Variants in PLEKHG4 observed in about 807,000 individuals in gnomAD.
PLEKHG4 encodes puratrophin-1.
A neutral mutation model predicts 136.9 loss-of-function variants in PLEKHG4; 85 were observed. The ratio of observed to expected loss-of-function variants is 0.62; its 90% confidence interval spans 0.52 to 0.74. The LOEUF is 0.74. Among genes scored for constraint, PLEKHG4 ranks in the 30% least tolerant of loss-of-function variants. PLEKHG4 has a pLI of 0.00. For synonymous variants in PLEKHG4, 577 were observed against 646.9 expected (o/e 0.89, Z 1.64); for missense variants, 1,317 against 1,527.8 (o/e 0.86, Z 2.30).
At chr16:67,287,643 T>C in intron 18 of PLEKHG4, 1 of 560,768 alleles carries the variant, frequency 1.8e-6, no homozygotes. Flanking sequence ...TCCTCCTACC[T>C]CGGCCTCCCA....
rs757886692 is a variant in PLEKHG4 at position 67,287,097 on chromosome 16, A to G, written c.3023A>G (p.Gln1008Arg). The G allele has an allele frequency of 1.2e-6, 2 of 1,612,914 alleles. No homozygotes were observed. Among genetic ancestry groups the G allele is most frequent in the African/African-American group, 2.7e-5 (2 of 74,950 alleles). ...RRKARDTFVLQASSLAIKQAW... is the reference protein window; with the variant it reads ...RRKARDTFVLRASSLAIKQAW... ...AAGGCCAGGGACACCTTTGTGCTGC[A>G]GGCCTCCAGCCTGGCTATCAAGCAG... Residue 1008 changes from glutamine to arginine, a missense_variant, in exon 18 of 22, where the codon CAG becomes CGG. Gln to Arg is a conservative substitution (Grantham distance 43, BLOSUM62 1). Transcript: ENST00000379344.
At chr16:67,277,701 C>T (rs2036048976), upstream of PLEKHG4, 1 of 152,418 alleles carries the variant, frequency 6.6e-6, no homozygotes, top group South Asian at 2.1e-4. Context: ...CCATGGGATA[C>T]ATAGATGTGG....
At chr16:67,278,483 A>C (rs1190313898), upstream of PLEKHG4, 2 of 152,222 alleles carry the variant, frequency 1.3e-5, no homozygotes, top group African/African-American at 4.8e-5. Context: ...TCCTGGTCGC[A>C]GAGCTGACCT....
rs374850039 is a variant in PLEKHG4 at position 67,286,325 on chromosome 16, G to A, written c.2494G>A (p.Asp832Asn). The A allele has an allele frequency of 1.3e-4, 207 of 1,613,784 alleles. No individual in the cohort carries two copies. The highest frequency in any genetic ancestry group is 1.6e-4 in the Non-Finnish European group (194 of 1,179,834). Reference protein sequence around the residue: ...ALYSKNKPRSDALMSSYGHTF... With the variant: ...ALYSKNKPRSNALMSSYGHTF... ...CTACAGCAAGAATAAGCCTCGCTCC[G>A]ATGCCCTGATGTCAAGCTATGGGCA... Residue 832 changes from aspartate to asparagine, a missense_variant, in exon 15 of 22, where the codon GAT becomes AAT. Coordinates refer to ENST00000379344, the MANE Select transcript of PLEKHG4 (RefSeq NM_001129729.3).
At chr16:67,287,859 T>C (rs2036548060) in intron 18 of PLEKHG4, 39 bp from the exon 19 acceptor site, 1 of 1,347,258 alleles carries the variant, frequency 7.4e-7, no homozygotes, top group African/African-American at 1.4e-5. Context: ...GACAGGCTTA[T>C]GTCCAGAAGC....
Position 67,285,347 on chromosome 16 carries a change from A to C in PLEKHG4, c.2253A>C (p.Leu751=). The change falls in exon 14 of 22, where the codon CTA becomes CTC. Residue 751 remains leucine (L), a synonymous_variant. Coordinates refer to ENST00000379344, the MANE Select transcript of PLEKHG4 (RefSeq NM_001129729.3). ...CGGAGCGGGAGTATGTCCGGGCTCT[A>C]GAGTACACTATGGAGAACTATTTCC... is the stretch of plus-strand genomic sequence containing the variant. The part of the protein sequence containing the change: ...VATEREYVRA[L]EYTMENYFPE... The C allele has an allele frequency of 6.2e-7, 1 of 1,614,200 alleles. No homozygotes were observed. The highest frequency in any genetic ancestry group is 1.6e-4 in the Middle Eastern group (1 of 6,062).
chr16:67,281,768 G>A lies in PLEKHG4; in HGVS notation c.936G>A (p.Thr312=), dbSNP rs771938890. ...AGAGCCTGCTGACCCACATCCCAAC[G>A]GCGGGGCTGCCCACTTCGCTAGGAG... ...PSQSLLTHIP[T]AGLPTSLGGG... is the part of the protein sequence containing the mutation. Residue 312 remains threonine (T), a synonymous_variant, in exon 7 of 22, where the codon ACG becomes ACA. Transcript: ENST00000379344. 7 of 1,613,892 alleles carry A rather than the reference G, an allele frequency of 4.3e-6. No individual in the cohort carries two copies. The highest frequency in any genetic ancestry group is 2.2e-5 in the East Asian group (1 of 44,908).
Position 67,287,983 on chromosome 16 carries a change from C to T in PLEKHG4, c.3189C>T (p.Asp1063=). The T allele has an allele frequency of 6.2e-7, 1 of 1,613,696 alleles. No homozygotes were observed. Among genetic ancestry groups the T allele is most frequent in the Non-Finnish European group, 8.5e-7 (1 of 1,179,596 alleles). ...DIAPSEEAIN[D]RTVNYVLKCR... is the part of the protein sequence containing the mutation. ...CTCCCAGCGAGGAAGCCATCAACGACCGCACCGTCAACTATGTCCTGAAGT... is the reference window on the plus strand; with the variant it reads ...CTCCCAGCGAGGAAGCCATCAACGATCGCACCGTCAACTATGTCCTGAAGT... Residue 1063 remains aspartate (D), a synonymous_variant, in exon 19 of 22, where the codon GAC becomes GAT. Transcript: ENST00000379344.
upstream of PLEKHG4, chr16:67,278,191 A>C (rs1391704317): frequency 6.6e-6 from 1 of 152,184 alleles, no homozygotes; most frequent in African/African-American, 2.4e-5. Context: ...GTGGGAAGAG[A>C]GGTCTGGCTG....
At position 67,288,571 on chromosome 16, in the gene PLEKHG4, GGCCCTGGGTA is replaced by G; in HGVS notation, c.3539_3548del (p.Ala1180GlyfsTer57). Reference sequence around the variant, plus strand: ...CTGACAGCAGCTGTGTGTCAGGGCAGGCCCTGGGTAGGGGCCTGGAGGACTTACCCTGTGT... The same window carrying G: ...CTGACAGCAGCTGTGTGTCAGGGCAGGGGGCCTGGAGGACTTACCCTGTGT... On this transcript the variant is annotated frameshift_variant, in exon 21 of 22. Coordinates refer to ENST00000379344, the MANE Select transcript of PLEKHG4 (RefSeq NM_001129729.3). LOFTEE classifies it high-confidence loss of function. 1.2e-6 allele frequency: 2 copies of G among 1,614,114 alleles called. No individual in the cohort carries two copies. The highest frequency in any genetic ancestry group is 1.7e-6 in the Non-Finnish European group (2 of 1,179,912).
chr16:67,282,036 C>T lies in PLEKHG4; in HGVS notation c.1033C>T (p.Gln345Ter). ...GCTGGAAGCTCTACTACAGAACTGC[C>T]AGGCAGCTTGTGCCCTGCTCCAGGG... ...RRLEALLQNC[Q>*]AACALLQGAI... Residue 345 changes from glutamine (Q) to a stop codon, truncating the protein, a stop_gained, in exon 8 of 22, where the codon CAG (glutamine) becomes TAG (stop). Transcript: ENST00000379344. LOFTEE classifies it high-confidence loss of function. 6.2e-7 allele frequency: 1 copy of T among 1,613,448 alleles called. No individual in the cohort carries two copies.
rs376480572 is a variant in PLEKHG4, at chr16:67,287,203, C to T, written c.3103+26C>T. 6.3e-4 allele frequency: 1,003 copies of T among 1,599,024 alleles called. 13 individuals carry two copies. In the South Asian group the frequency reaches 0.011, roughly 17 times the overall value. ...GTGGGTCCATGCCCCTCCTTCACGC[C>T]ACACTCCCCTCACTGGAGAGCTTAC... On this transcript the variant is annotated intron_variant, in intron 18 of 21. Coordinates refer to ENST00000379344, the MANE Select transcript of PLEKHG4 (RefSeq NM_001129729.3).
chr16:67,288,323 G>A lies in PLEKHG4; in HGVS notation c.3377G>A (p.Arg1126His), dbSNP rs899913556. 5.0e-6 allele frequency: 8 copies of A among 1,612,088 alleles called. No homozygotes were observed. Among genetic ancestry groups the A allele is most frequent in the Middle Eastern group, 1.7e-4 (1 of 6,060 alleles). The change falls in exon 20 of 22, where the codon CGC (arginine) becomes CAC (histidine). Residue 1126 changes from arginine (R) to histidine (H), a missense_variant. Coordinates refer to ENST00000379344, the MANE Select transcript of PLEKHG4 (RefSeq NM_001129729.3). Reference protein sequence around the residue: ...LYRDPALLGLRCPLYPSFPEE... With the variant: ...LYRDPALLGLHCPLYPSFPEE... Reference sequence around the variant, plus strand: ...AGAGACCCAGCTCTTCTGGGTCTCCGCTGTCCCCTGTATCCCAGCTTCCCA... The same window carrying A: ...AGAGACCCAGCTCTTCTGGGTCTCCACTGTCCCCTGTATCCCAGCTTCCCA...
chr16:67,282,299 G>C lies in PLEKHG4; in HGVS notation c.1203G>C (p.Leu401=). 1 of 1,613,150 alleles carries C rather than the reference G, an allele frequency of 6.2e-7. No individual in the cohort carries two copies. The highest frequency in any genetic ancestry group is 8.5e-7 in the Non-Finnish European group (1 of 1,179,986). The change falls in exon 9 of 22, where the codon CTG becomes CTC. Residue 401 remains leucine (L), a synonymous_variant. Transcript: ENST00000379344. ...TACAATGCCAGGGGGGCCGGGAGCT[G>C]ACATGGCTGAAGCAAGAGGTCCCAG... ...AWLQCQGGRE[L]TWLKQEVPEV...
chr16:67,280,353 G>T lies in PLEKHG4; in HGVS notation c.309G>T (p.Glu103Asp). The T allele has an allele frequency of 6.2e-7, 1 of 1,613,620 alleles. No individual in the cohort carries two copies. The change falls in exon 2 of 22, where the codon GAG becomes GAT. Residue 103 changes from glutamate to aspartate, a missense_variant. By Grantham distance (45) the Glu-to-Asp change is conservative. Transcript: ENST00000379344. The surrounding 1 kb of genome is among the most constrained non-coding windows in gnomAD (Gnocchi z 4.4). The stretch of plus-strand genomic sequence containing the variant: ...AAGGGCCAGGCCCCTCTGGAGTGGA[G>T]AGTCTCCTATGCCCCATGTCCTCCC... ...LSEGPGPSGV[E>D]SLLCPMSSHL...
At position 67,282,252 on chromosome 16, in the gene PLEKHG4, G is replaced by A. The variant is rs753019456; in HGVS notation, c.1156G>A (p.Asp386Asn). 15 of 1,613,368 alleles carry A rather than the reference G, an allele frequency of 9.3e-6. No individual in the cohort carries two copies. In the Admixed American group the frequency reaches 2.5e-4, roughly 27 times the overall value. The change falls in exon 9 of 22, where the codon GAC becomes AAC. Residue 386 changes from aspartate to asparagine, a missense_variant. Transcript: ENST00000379344. ...QTEVLMQQVLDSPWLAWLQCQ... is the reference protein window; with the variant it reads ...QTEVLMQQVLNSPWLAWLQCQ... ...AGAGGTCCTGATGCAGCAGGTGCTA[G>A]ACTCGCCATGGCTGGCATGGCTACA...
chr16:67,287,144 C>T lies in PLEKHG4; in HGVS notation c.3070C>T (p.His1024Tyr), dbSNP rs1253537881. ...IKQAWTADIS[H>Y]LLWRQAVHNK... ...GCAGGCCTGGACAGCTGACATCTCC[C>T]ACCTGCTTTGGAGGCAGGCCGTCCA... Residue 1024 changes from histidine (H) to tyrosine (Y), a missense_variant, in exon 18 of 22, where the codon CAC (histidine) becomes TAC (tyrosine). Physicochemically the swap from His to Tyr is moderately conservative, Grantham distance 83 (BLOSUM62 2). Coordinates refer to ENST00000379344, the MANE Select transcript of PLEKHG4 (RefSeq NM_001129729.3). 2 of 1,610,604 alleles carry T rather than the reference C, an allele frequency of 1.2e-6. No homozygotes were observed. The highest frequency in any genetic ancestry group is 1.7e-6 in the Non-Finnish European group (2 of 1,180,032).
Position 67,284,965 on chromosome 16 carries a change from C to T in PLEKHG4, c.1945C>T (p.Leu649=). 2 of 1,613,146 alleles carry T rather than the reference C, an allele frequency of 1.2e-6. No individual in the cohort carries two copies. The highest frequency in any genetic ancestry group is 1.7e-6 in the Non-Finnish European group (2 of 1,179,918). ...LDQKLEASLK[L]PPVGSTASLC... Reference sequence around the variant, plus strand: ...CCAAAAGCTTGAGGCTTCACTGAAGCTACCACCGGTGGGCAGCACAGCTAG... The same window carrying T: ...CCAAAAGCTTGAGGCTTCACTGAAGTTACCACCGGTGGGCAGCACAGCTAG... The change falls in exon 13 of 22, where the codon CTA becomes TTA. Residue 649 remains leucine (L), a synonymous_variant. Coordinates refer to ENST00000379344, the MANE Select transcript of PLEKHG4 (RefSeq NM_001129729.3). The surrounding 1 kb of genome is among the most constrained non-coding windows in gnomAD (Gnocchi z 4.4).
chr16:67,288,120 C>A, intron 19 of PLEKHG4, 47 bp from the exon 20 acceptor site: 1 of 1,577,990 alleles, frequency 6.3e-7, no homozygotes, highest in Non-Finnish European at 8.7e-7. Context: ...GATCTGGGGC[C>A]AGGCTAGGCT....
Sources: allele counts gnomAD v4.1 joint callset, GRCh38; gene constraint gnomAD v4.1.1; non-coding constraint Gnocchi (gnomAD v3.1); transcripts MANE v1.5; gene names NCBI Gene and HGNC (gene_info 2026-07-23, HGNC 2026-07-21).